Variants in ADK observed in about 807,000 individuals in gnomAD.
ADK encodes the protein adenosine kinase.
In ADK, 24 loss-of-function variants were observed where a neutral mutation model predicts 44.7. The ratio of observed to expected loss-of-function variants is 0.54; its 90% CI spans 0.39 to 0.76. The LOEUF is 0.76. Among genes scored for constraint, ADK ranks in the 30% least tolerant of loss-of-function variants. The pLI, the probability that ADK is intolerant of heterozygous loss-of-function variation, is 0.00. For missense variants in ADK, 321 were observed against 425.1 expected, an observed-to-expected ratio of 0.76 and a Z score of 2.15; for synonymous variants, 128 against 142.6, an observed-to-expected ratio of 0.90 and a Z score of 0.73.
chr10:74,548,920 A>G (rs557808303), intron 7 of ADK, among the ~76,000 whole-genome samples: 6 of 152,224 alleles, frequency 3.9e-5, no homozygotes, highest in Non-Finnish European at 7.3e-5. Context: ...AACCTGGCAG[A>G]AGAATTTGGA....
intron 3 of ADK, among the ~76,000 whole-genome samples, chr10:74,294,061 C>T (rs1314083265): frequency 1.3e-5 from 2 of 152,120 alleles, no homozygotes; most frequent in Non-Finnish European, 2.9e-5. Context: ...TTCTTTGGCT[C>T]ATCATTATAA....
chr10:74,286,537 A>G (rs1847167388), intron 3 of ADK, among the ~76,000 whole-genome samples: 1 of 152,194 alleles, frequency 6.6e-6, no homozygotes, highest in African/African-American at 2.4e-5. Flanking sequence ...TCATTTTACA[A>G]CTGTGTAACA....
chr10:74,446,734 A>G (rs1322098416), intron 6 of ADK, among the ~76,000 whole-genome samples: 1 of 152,156 alleles, frequency 6.6e-6, no homozygotes, highest in Non-Finnish European at 1.5e-5. Flanking sequence ...GAGCTTGGAA[A>G]TATGTTAAAA....
intron 6 of ADK, chr10:74,423,696 G>A (rs1844662550): frequency 2.3e-6 from 1 of 443,560 alleles, no homozygotes. Flanking sequence ...CAGTGACAAT[G>A]TTGGGGCTGG....
chr10:74,663,234 C>G (rs971203784), intron 9 of ADK, among the ~76,000 whole-genome samples: 6 of 129,312 alleles, frequency 4.6e-5, no homozygotes, highest in African/African-American at 1.8e-4. Flanking sequence ...GATGCTATCT[C>G]AAAAAAAAAA....
At chr10:74,402,914 T>C (rs1176612022) in intron 6 of ADK, among the ~76,000 whole-genome samples, 2 of 152,210 alleles carry the variant, frequency 1.3e-5, no homozygotes, top group African/African-American at 4.8e-5. Flanking sequence ...GATGGTGACC[T>C]ACAGATAGGG....
chr10:74,422,694 A>G (rs779835732), intron 6 of ADK, among the ~76,000 whole-genome samples: 4 of 152,230 alleles, frequency 2.6e-5, no homozygotes, highest in South Asian at 2.1e-4. Context: ...GATAGGTTAC[A>G]TGTTGAAGAA....
At chr10:74,188,255 G>A (rs1311633761) in intron 1 of ADK, among the ~76,000 whole-genome samples, 2 of 151,258 alleles carry the variant, frequency 1.3e-5, no homozygotes, top group African/African-American at 2.4e-5. Flanking sequence ...TGAATTTTTG[G>A]ATCAGTTTTG....
In ADK at chr10:74,667,444, GTA is replaced by G. The variant is rs760131833; in HGVS notation, c.878-2723_878-2722del. 8.3e-4 allele frequency among the ~76,000 whole-genome samples: 122 copies of G among 146,810 alleles called. 1 individual carries two copies. The highest frequency in any genetic ancestry group is 3.5e-3 in the Middle Eastern group (1 of 284). ...AAGTATCTCAATGATGTGTGTGTGTGTATATATATATATATATCTCCAGAAAA... is the reference window on the plus strand; with the variant it reads ...AAGTATCTCAATGATGTGTGTGTGTGTATATATATATATATCTCCAGAAAA... On this transcript the variant is annotated intron_variant, in intron 9 of 10. Coordinates refer to ENST00000539909, the MANE Select transcript of ADK (RefSeq NM_006721.4).
chr10:74,264,721 A>G (rs1846154934), intron 3 of ADK, among the ~76,000 whole-genome samples: 1 of 152,162 alleles, frequency 6.6e-6, no homozygotes, highest in Non-Finnish European at 1.5e-5. Context: ...AGAGTTTCCC[A>G]TATGTGCTTT....
At position 74,341,190 on chromosome 10, in the gene ADK, T is replaced by G. The variant is rs560012719; in HGVS notation, c.273+26445T>G. ...AGATTTGTTTCCTTCACATTTAGAC[T>G]TGCATTTTTACAATGTTTATACTAA... On this transcript the variant is annotated intron_variant, in intron 4 of 10. Transcript: ENST00000539909. Among the ~76,000 whole-genome samples, 4 of 152,256 alleles carry G rather than the reference T, an allele frequency of 2.6e-5. 1 individual carries two copies. The South Asian group carries it at 8.3e-4, about 32-fold the overall frequency.
At chr10:74,521,644 C>T (rs1200867961) in intron 6 of ADK, among the ~76,000 whole-genome samples, 3 of 152,112 alleles carry the variant, frequency 2.0e-5, no homozygotes, top group Non-Finnish European at 4.4e-5. Flanking sequence ...AGGGGGAAAG[C>T]TTTAAAATCT....
intron 1 of ADK, among the ~76,000 whole-genome samples, chr10:74,186,182 C>T (rs1056260367): frequency 7.2e-6 from 1 of 139,644 alleles, no homozygotes; most frequent in Non-Finnish European, 1.6e-5. Context: ...TCAAATCAGC[C>T]TTCCCTTTCC....
At chr10:74,625,222 T>G (rs1853145174) in intron 9 of ADK, among the ~76,000 whole-genome samples, 1 of 152,198 alleles carries the variant, frequency 6.6e-6, no homozygotes, top group Non-Finnish European at 1.5e-5. Context: ...GGAAAGCTTT[T>G]CAAAGCAAGT....
intron 10 of ADK, among the ~76,000 whole-genome samples, chr10:74,692,482 A>C (rs1856027797): frequency 6.6e-6 from 1 of 152,194 alleles, no homozygotes; most frequent in Non-Finnish European, 1.5e-5. Context: ...TCTGTCTCAA[A>C]AATAAAAAAA....
chr10:74,173,088 G>GTT (rs991330378), intron 1 of ADK, among the ~76,000 whole-genome samples: 4 of 144,906 alleles, frequency 2.8e-5, no homozygotes, highest in Admixed American at 6.9e-5. Context: ...ATCAAAATTA[G>GTT]TTTTTTTTTT....
At chr10:74,565,749 A>G (rs1003716403) in intron 7 of ADK, among the ~76,000 whole-genome samples, 2 of 151,086 alleles carry the variant, frequency 1.3e-5, no homozygotes, top group Non-Finnish European at 2.9e-5. Flanking sequence ...AAAAAAAAAA[A>G]CCATGAACCT....
intron 4 of ADK, among the ~76,000 whole-genome samples, chr10:74,350,636 T>G (rs1841932893): frequency 6.6e-6 from 1 of 152,094 alleles, no homozygotes; most frequent in Non-Finnish European, 1.5e-5. Flanking sequence ...AGGTGGTTTT[T>G]TGAAAAGATT....
At chr10:74,371,159 CAT>C (rs1225830399) in intron 4 of ADK, among the ~76,000 whole-genome samples, 2 of 152,048 alleles carry the variant, frequency 1.3e-5, no homozygotes, top group Non-Finnish European at 2.9e-5. Context: ...ATGTTGGAAA[CAT>C]GTTAGAAAAA....
Sources: gnomAD v4.1 joint callset for allele counts (sites outside exome capture counted in the v4.1 genomes callset) on GRCh38, gnomAD v4.1.1 for gene constraint, MANE v1.5 for transcripts, NCBI Gene and HGNC (gene_info 2026-07-23, HGNC 2026-07-21) for gene names.